The following IMMP2L variants were observed in gnomAD, a reference collection of about 807,000 sequenced individuals.
IMMP2L encodes mitochondrial inner membrane protease subunit 2.
Under a neutral mutation model 19.3 loss-of-function variants are expected in IMMP2L, and 18 were observed. That is an observed-to-expected ratio of 0.93 (90% CI 0.64 to 1.38). The LOEUF is 1.38. Ranked by LOEUF, IMMP2L falls within the 40% of genes most tolerant of loss-of-function variation. IMMP2L has a pLI of 0.00. For missense variants in IMMP2L, 233 were observed against 218.2 expected (o/e 1.07, Z -0.43); for synonymous variants, 76 against 73.0 (o/e 1.04, Z -0.21).
chr7:111,288,904 C>A (rs921912607), intron 3 of IMMP2L, among the ~76,000 whole-genome samples: 14 of 152,054 alleles, frequency 9.2e-5, no homozygotes, highest in Non-Finnish European at 1.6e-4. Flanking sequence ...TTGACCCAGC[C>A]ATCCCATTAC....
chr7:111,475,734 T>A (rs546464159), intron 3 of IMMP2L, among the ~76,000 whole-genome samples: 1 of 152,226 alleles, frequency 6.6e-6, no homozygotes, highest in African/African-American at 2.4e-5. Context: ...TGAGTAATTT[T>A]AAATAAATAG....
intron 1 of IMMP2L, among the ~76,000 whole-genome samples, chr7:111,530,912 G>A (rs941314985): frequency 2.6e-5 from 4 of 151,430 alleles, no homozygotes; most frequent in Non-Finnish European, 5.9e-5. Context: ...CCAGATCAGC[G>A]AACAGGACCT....
At chr7:110,973,675 G>A (rs56896134) in intron 3 of IMMP2L, among the ~76,000 whole-genome samples, 4 of 152,056 alleles carry the variant, frequency 2.6e-5, no homozygotes, top group South Asian at 2.1e-4. Flanking sequence ...ATGTGTGCCC[G>A]CCCACAAGTG....
At chr7:111,126,735 G>T (rs1471154052) in intron 3 of IMMP2L, among the ~76,000 whole-genome samples, 1 of 152,052 alleles carries the variant, frequency 6.6e-6, no homozygotes, top group African/African-American at 2.4e-5. Flanking sequence ...TGCAAAAATA[G>T]AAGTATTTTT....
At chr7:110,964,701 G>T (rs1819350008) in intron 3 of IMMP2L, among the ~76,000 whole-genome samples, 1 of 151,980 alleles carries the variant, frequency 6.6e-6, no homozygotes, top group African/African-American at 2.4e-5. Context: ...AACTGATGGT[G>T]CATCACTTTT....
chr7:111,467,734 T>C (rs1299003630), intron 3 of IMMP2L, among the ~76,000 whole-genome samples: 4 of 152,182 alleles, frequency 2.6e-5, no homozygotes, highest in Non-Finnish European at 5.9e-5. Context: ...TGACCTCTAG[T>C]ATTCTTTCAA....
chr7:110,996,755 A>C (rs1823078883), intron 3 of IMMP2L, among the ~76,000 whole-genome samples: 1 of 151,978 alleles, frequency 6.6e-6, no homozygotes, highest in Non-Finnish European at 1.5e-5. Flanking sequence ...GAGATTCTGT[A>C]TAACCTTCAC....
At chr7:111,310,768 A>G (rs1342185084) in intron 3 of IMMP2L, among the ~76,000 whole-genome samples, 11 of 152,120 alleles carry the variant, frequency 7.2e-5, no homozygotes, top group African/African-American at 2.4e-4. Context: ...GCTAATTGAT[A>G]TAGGAATGGG....
At chr7:111,508,067 C>T (rs1845100687) in intron 2 of IMMP2L, among the ~76,000 whole-genome samples, 1 of 152,156 alleles carries the variant, frequency 6.6e-6, no homozygotes, top group Non-Finnish European at 1.5e-5. Context: ...TAAAAATCTA[C>T]ACATATCTCA....
chr7:111,318,233 T>C (rs1218709331), intron 3 of IMMP2L, among the ~76,000 whole-genome samples: 1 of 152,148 alleles, frequency 6.6e-6, no homozygotes, highest in Non-Finnish European at 1.5e-5. Flanking sequence ...GAAAGGGTGA[T>C]TGATTCTCTC....
intron 3 of IMMP2L, among the ~76,000 whole-genome samples, chr7:111,132,413 A>T (rs190521541): frequency 6.6e-6 from 1 of 152,144 alleles, no homozygotes; most frequent in African/African-American, 2.4e-5. Flanking sequence ...CATGCACAAT[A>T]ACTCAATCTT....
chr7:110,750,553 C>T (rs1797655327), intron 5 of IMMP2L, among the ~76,000 whole-genome samples: 1 of 151,972 alleles, frequency 6.6e-6, no homozygotes, highest in Admixed American at 6.6e-5. Context: ...TGGAAAGGAA[C>T]ATAAATACCA....
chr7:111,083,087 T>C (rs1469060024), intron 3 of IMMP2L, among the ~76,000 whole-genome samples: 3 of 152,168 alleles, frequency 2.0e-5, no homozygotes, highest in African/African-American at 7.2e-5. Flanking sequence ...ATTTAAAATA[T>C]AGTAAAGTAG....
chr7:111,139,192 C>T (rs1467867142), intron 3 of IMMP2L, among the ~76,000 whole-genome samples: 3 of 151,756 alleles, frequency 2.0e-5, no homozygotes, highest in East Asian at 1.9e-4. Context: ...AATTTTGGAA[C>T]GGAGCTAACA....
At chr7:111,353,791 A>G (rs369537700) in intron 3 of IMMP2L, among the ~76,000 whole-genome samples, 26 of 152,282 alleles carry the variant, frequency 1.7e-4, no homozygotes, top group Middle Eastern at 3.4e-3. Flanking sequence ...TCAAAAGACT[A>G]TCTTTATACA....
intron 3 of IMMP2L, among the ~76,000 whole-genome samples, chr7:111,455,052 A>C (rs1169641536): frequency 1.3e-5 from 2 of 151,856 alleles, no homozygotes; most frequent in Non-Finnish European, 2.9e-5. Context: ...CTTCCAGATT[A>C]TCTGAGTCAG....
intron 5 of IMMP2L, among the ~76,000 whole-genome samples, chr7:110,690,858 A>T (rs1444593030): frequency 3.3e-5 from 5 of 152,178 alleles, no homozygotes; most frequent in African/African-American, 9.6e-5. Flanking sequence ...ATGCTCATGG[A>T]TTGGAAGAAT....
intron 4 of IMMP2L, among the ~76,000 whole-genome samples, chr7:110,900,232 G>C (rs528373614): frequency 6.6e-6 from 1 of 151,672 alleles, no homozygotes; most frequent in Non-Finnish European, 1.5e-5. Flanking sequence ...TCAATCCTCC[G>C]TAAATACATC....
chr7:111,318,723 T>C (rs565652250), intron 3 of IMMP2L, among the ~76,000 whole-genome samples: 1 of 152,114 alleles, frequency 6.6e-6, no homozygotes, highest in Non-Finnish European at 1.5e-5. Context: ...AACTATACCA[T>C]AATGAAGAAA....
Sources: gnomAD v4.1 joint callset for allele counts (sites outside exome capture counted in the v4.1 genomes callset) on GRCh38, gnomAD v4.1.1 for gene constraint, MANE v1.5 for transcripts, NCBI Gene and HGNC (gene_info 2026-07-23, HGNC 2026-07-21) for gene names.